WIPF3: variants seen among roughly 807,000 people sequenced by gnomAD.
The protein encoded by WIPF3 is WAS/WASL interacting protein family member 3.
In WIPF3, 33 loss-of-function variants were observed where a neutral mutation model predicts 38.9. The observed-to-expected ratio is 0.85, with a 90% CI of 0.64 to 1.14. The LOEUF is 1.14. Ranked by LOEUF, WIPF3 falls within the 50% of genes most tolerant of loss-of-function variation. WIPF3 has a pLI of 0.00. For missense variants in WIPF3, 711 were observed against 652.5 expected (o/e 1.09, Z -0.98); for synonymous variants, 324 against 269.3 (o/e 1.20, Z -1.99).
intron 7 of WIPF3, among the ~76,000 whole-genome samples, chr7:29,903,561 G>A (rs1357558056): frequency 6.6e-6 from 1 of 152,116 alleles, no homozygotes; most frequent in Admixed American, 6.5e-5. Flanking sequence ...TCCTACCAGT[G>A]CAACAGAGGA....
At chr7:29,830,390 A>G (rs1784699077) in intron 1 of WIPF3, among the ~76,000 whole-genome samples, 1 of 152,140 alleles carries the variant, frequency 6.6e-6, no homozygotes, top group Admixed American at 6.5e-5. Context: ...GACCTGAATC[A>G]TATCAAGCTA....
chr7:29,867,314 A>G (rs571746579), intron 2 of WIPF3, among the ~76,000 whole-genome samples: 2 of 152,320 alleles, frequency 1.3e-5, no homozygotes, highest in South Asian at 4.1e-4. Flanking sequence ...AGCCTGGATG[A>G]ATGGGGAGAA....
chr7:29,910,353 A>G (rs1455233677), intron 8 of WIPF3, among the ~76,000 whole-genome samples: 1 of 152,214 alleles, frequency 6.6e-6, no homozygotes, highest in South Asian at 2.1e-4. Flanking sequence ...CCAAACGTTC[A>G]AAGAACTAAC....
At chr7:29,887,592 A>G (rs1290956111) in intron 5 of WIPF3, among the ~76,000 whole-genome samples, 1 of 152,150 alleles carries the variant, frequency 6.6e-6, no homozygotes, top group African/African-American at 2.4e-5. Flanking sequence ...GCAGGGACAC[A>G]GGGGCAGAAC....
At chr7:29,845,328 T>C (rs749938112) in intron 2 of WIPF3, among the ~76,000 whole-genome samples, 4 of 152,214 alleles carry the variant, frequency 2.6e-5, no homozygotes, top group Non-Finnish European at 4.4e-5. Flanking sequence ...CCCCTTGAGC[T>C]CAGTGACAGC....
intron 7 of WIPF3, among the ~76,000 whole-genome samples, chr7:29,895,546 C>CT (rs1184330395): frequency 1.3e-5 from 2 of 152,170 alleles, no homozygotes; most frequent in Admixed American, 1.3e-4. Context: ...AGTTTGTTCT[C>CT]ACATTGTTAT....
At chr7:29,885,840 T>C (rs917096263) in intron 5 of WIPF3, among the ~76,000 whole-genome samples, 1 of 152,096 alleles carries the variant, frequency 6.6e-6, no homozygotes, top group Non-Finnish European at 1.5e-5. Flanking sequence ...AGTAATTCAA[T>C]CACCCATAAT....
Position 29,884,370 on chromosome 7 carries a change from G to GCCCCCCCCCCCC in WIPF3, c.878_879insCCCCCCCCCCCC (p.Pro292_Pro295dup). On this transcript the variant is annotated inframe_insertion, in exon 5 of 9. Transcript: ENST00000242140. ...AAGATGCGCAGGAGCCTCCCGCCCC[G>GCCCCCCCCCCCC]CCGCCCCCGCTCCCCCCTTATGCTT... The GCCCCCCCCCCCC allele has an allele frequency of 8.0e-6, 3 of 374,148 alleles. No homozygotes were observed. The highest frequency in any genetic ancestry group is 4.3e-5 in the South Asian group (1 of 23,086). The allele number at this position is 374,148 out of a possible 1,614,324, so 23.2% of individuals were successfully genotyped here. A position where few individuals can be genotyped will look rare whatever the true frequency, so the allele number is the denominator to read the frequency against.
intron 7 of WIPF3, among the ~76,000 whole-genome samples, chr7:29,892,969 G>A (rs528078921): frequency 2.0e-5 from 3 of 152,332 alleles, no homozygotes; most frequent in African/African-American, 7.2e-5. Flanking sequence ...GGAGGCTGAG[G>A]CAGGAGGATT....
Position 29,884,268 on chromosome 7 carries a change from G to A in WIPF3, c.774G>A (p.Pro258=). 1.9e-5 allele frequency: 9 copies of A among 485,910 alleles called. No individual in the cohort carries two copies. Among genetic ancestry groups the A allele is most frequent in the Non-Finnish European group, 2.2e-5 (8 of 365,578 alleles). 30.1% of individuals were successfully genotyped at this position (485,910 alleles called of 1,614,324 possible). A position where few individuals can be genotyped will look rare whatever the true frequency, so the allele number is the denominator to read the frequency against. Residue 258 remains proline (P), a synonymous_variant, in exon 5 of 9, where the codon CCG becomes CCA. Coordinates refer to ENST00000242140, the MANE Select transcript of WIPF3 (RefSeq NM_001080529.3). ...VKPQLAPLHL[P]PIPPPLPLLP... is the part of the protein sequence containing the mutation. ...CTCAGCTGGCTCCCTTGCACCTCCC[G>A]CCCATCCCGCCCCCGCTCCCTCTGC...
At chr7:29,814,433 T>C (rs1198979441) in intron 1 of WIPF3, among the ~76,000 whole-genome samples, 1 of 152,192 alleles carries the variant, frequency 6.6e-6, no homozygotes, top group Non-Finnish European at 1.5e-5. Flanking sequence ...GTGTTTATAG[T>C]TTTGTTGCAT....
At position 29,889,392 on chromosome 7, in the gene WIPF3, A is replaced by T; in HGVS notation, c.1336A>T (p.Ser446Cys). ...TAAACCATGCCAGAAGATTTACCCC[A>T]GCAAGATCCCCAGAAGTAAGTACCA... ...EYKPCQKIYP[S>C]KIPRSRTPGP... Residue 446 changes from serine (S) to cysteine (C), a missense_variant, in exon 7 of 9, where the codon AGC becomes TGC. Coordinates refer to ENST00000242140, the MANE Select transcript of WIPF3 (RefSeq NM_001080529.3). 6.2e-7 allele frequency: 1 copy of T among 1,613,910 alleles called. No homozygotes were observed. The highest frequency in any genetic ancestry group is 8.5e-7 in the Non-Finnish European group (1 of 1,179,826).
chr7:29,864,671 T>C (rs763500175), intron 2 of WIPF3, among the ~76,000 whole-genome samples: 25 of 152,368 alleles, frequency 1.6e-4, no homozygotes, highest in Non-Finnish European at 2.9e-4. Flanking sequence ...CTTACTCTTA[T>C]TAAGTTACTC....
At chr7:29,824,017 C>T (rs1253777368) in intron 1 of WIPF3, among the ~76,000 whole-genome samples, 2 of 152,202 alleles carry the variant, frequency 1.3e-5, no homozygotes, top group South Asian at 4.1e-4. Flanking sequence ...CAGACTAATA[C>T]ACCAAGGCAG....
intron 2 of WIPF3, among the ~76,000 whole-genome samples, chr7:29,852,538 GC>G (rs1785120409): frequency 6.6e-6 from 1 of 152,212 alleles, no homozygotes; most frequent in Non-Finnish European, 1.5e-5. Flanking sequence ...TTTAACAAGA[GC>G]CAGACACCAA....
At chr7:29,830,277 G>T (rs1299797296) in intron 1 of WIPF3, among the ~76,000 whole-genome samples, 1 of 151,708 alleles carries the variant, frequency 6.6e-6, no homozygotes, top group African/African-American at 2.4e-5. Context: ...AGGTGAGGGA[G>T]GGGCAAGCAG....
chr7:29,868,949 T>A (rs1220743114), intron 2 of WIPF3, among the ~76,000 whole-genome samples: 2 of 152,172 alleles, frequency 1.3e-5, no homozygotes, highest in Non-Finnish European at 2.9e-5. Flanking sequence ...GCAGAGAATG[T>A]GCACACACGC....
At position 29,889,193 on chromosome 7, in the gene WIPF3, G is replaced by C. The variant is rs1785953436; in HGVS notation, c.1250-113G>C. 5 of 819,626 alleles carry C rather than the reference G, an allele frequency of 6.1e-6. 1 individual carries two copies. The South Asian group carries it at 8.0e-5, about 13-fold the overall frequency. 50.8% of individuals were successfully genotyped at this position (819,626 alleles called of 1,614,324 possible). A position where few individuals can be genotyped will look rare whatever the true frequency, so the allele number is the denominator to read the frequency against. On this transcript the variant is annotated intron_variant, in intron 6 of 8. Coordinates refer to ENST00000242140, the MANE Select transcript of WIPF3 (RefSeq NM_001080529.3). ...GTTGTTAAAATCCTTGCACTGAGCA[G>C]GCAAACAGAAAACGGTGGATGCAGT...
intron 8 of WIPF3, among the ~76,000 whole-genome samples, chr7:29,910,314 G>A (rs930119126): frequency 6.6e-6 from 1 of 152,122 alleles, no homozygotes; most frequent in African/African-American, 2.4e-5. Flanking sequence ...GAAGAGCTCT[G>A]GGCTTCATGG....
Sources: allele counts gnomAD v4.1 joint callset (sites outside exome capture counted in the v4.1 genomes callset), GRCh38; gene constraint gnomAD v4.1.1; transcripts MANE v1.5; gene names NCBI Gene and HGNC (gene_info 2026-07-23, HGNC 2026-07-21).